The following DST variants were observed in gnomAD, a reference collection of about 807,000 sequenced individuals.
DST encodes dystonin.
Under a neutral mutation model 875.2 loss-of-function variants are expected in DST, and 253 were observed. The observed-to-expected ratio is 0.29, with a 90% CI of 0.26 to 0.32. The LOEUF (loss-of-function observed/expected upper bound fraction) is 0.32, where lower values mean the gene tolerates loss of function less well. Ranked by LOEUF, DST falls within the 10% of genes least tolerant of loss-of-function variation. DST has a pLI of 1.00. For synonymous variants in DST, 3,124 were observed against 3,197.1 expected (o/e 0.98, Z 0.77); for missense variants, 8,287 against 9,111.6 (o/e 0.91, Z 3.68).
chr6:56,789,023 GATTA>G lies in DST; in HGVS notation c.626-53738_626-53735del, dbSNP rs139376862. Among the ~76,000 whole-genome samples the G allele has an allele frequency of 4.7e-3, 719 of 152,254 alleles. 4 individuals carry two copies. Among genetic ancestry groups the G allele is most frequent in the African/African-American group, 0.016 (660 of 41,536 alleles). On this transcript the variant is annotated intron_variant, in intron 4 of 103. Transcript: ENST00000680361. ...AAATGGTACAATATGAAATACATATGATTAATTGTTAAATATTTGTATTTTATAA... is the reference window on the plus strand; with the variant it reads ...AAATGGTACAATATGAAATACATATGATTGTTAAATATTTGTATTTTATAA...
chr6:56,533,373 C>T (rs2096931634), intron 63 of DST, among the ~76,000 whole-genome samples: 1 of 152,178 alleles, frequency 6.6e-6, no homozygotes, highest in African/African-American at 2.4e-5. Context: ...TGCTTCACTG[C>T]TTCCTTAATG....
chr6:56,732,945 C>T lies in DST; in HGVS notation c.687+2283G>A, dbSNP rs569419863. ...GTGGCAAGTTTCCCCTACTTTTAAA[C>T]GAGGGAACAGAACCAGAAGATTTTG... On this transcript the variant is annotated intron_variant, in intron 5 of 103. Transcript: ENST00000680361. Among the ~76,000 whole-genome samples the T allele has an allele frequency of 7.9e-5, 12 of 152,250 alleles. No homozygotes were observed. In the South Asian group the frequency reaches 1.2e-3, roughly 16 times the overall value.
chr6:56,723,939 T>TG (rs1431852377), intron 5 of DST, among the ~76,000 whole-genome samples: 31 of 152,234 alleles, frequency 2.0e-4, no homozygotes, highest in Admixed American at 2.0e-3. Flanking sequence ...ACAACACCGG[T>TG]GTTCCTGGGA....
rs776107444 is a variant in DST, at chr6:56,634,792, T to C, written c.3339+9A>G. ...CAGAAACTGGTCTGTTTCTAGGAGT[T>C]ACAAGTACCTCAATTTGTCTGTAGT... On this transcript the variant is annotated intron_variant, in intron 25 of 103. Transcript: ENST00000680361. The C allele has an allele frequency of 3.7e-6, 6 of 1,613,762 alleles. No homozygotes were observed. In the Admixed American group the frequency reaches 8.3e-5, roughly 22 times the overall value.
At chr6:56,798,722 G>A (rs1366901940) in intron 4 of DST, among the ~76,000 whole-genome samples, 2 of 152,074 alleles carry the variant, frequency 1.3e-5, no homozygotes, top group Non-Finnish European at 2.9e-5. Flanking sequence ...ATGGATATGG[G>A]TAAATTCAAT....
intron 55 of DST, among the ~76,000 whole-genome samples, chr6:56,567,822 A>T (rs1206470385): frequency 6.6e-6 from 1 of 152,214 alleles, no homozygotes; most frequent in Non-Finnish European, 1.5e-5. Context: ...TTTTAAAAAA[A>T]CTTGTTACTG....
chr6:56,816,622 G>C (rs1245627887), intron 4 of DST, among the ~76,000 whole-genome samples: 1 of 152,152 alleles, frequency 6.6e-6, no homozygotes, highest in African/African-American at 2.4e-5. Context: ...TTATTAACAA[G>C]CCTTATCTAT....
Position 56,645,890 on chromosome 6 carries a change from T to TTC in DST, c.1752_1753dup (p.Lys585ArgfsTer8). On this transcript the variant is annotated frameshift_variant, in exon 15 of 104. Transcript: ENST00000680361. LOFTEE classifies it high-confidence loss of function. ...CCTTTCTACTTCTGGACGAAGGGCC[T>TTC]TCTCTCTCTCTAGCATGGCAATAAT... is the stretch of plus-strand genomic sequence containing the variant. 1 of 1,613,694 alleles carries TTC rather than the reference T, an allele frequency of 6.2e-7. No individual in the cohort carries two copies. The highest frequency in any genetic ancestry group is 8.5e-7 in the Non-Finnish European group (1 of 1,179,698).
rs2098509521 is a variant in DST, at chr6:56,607,559, T to C, written c.7069A>G (p.Met2357Val). ...ATGTTTTCAGAGTCACTTCTAAGCATGCTAATGTCTGCAAGTTCAGTCTGT... is the reference window on the plus strand; with the variant it reads ...ATGTTTTCAGAGTCACTTCTAAGCACGCTAATGTCTGCAAGTTCAGTCTGT... ...LTQTELADIS[M>V]LRSDSENILT... Residue 2357 changes from methionine to valine, a missense_variant, in exon 40 of 104, where the codon ATG becomes GTG. This residue lies in a region of DST where 3,138 missense variants were observed against 3,116.6 expected (regional missense o/e 1.01). Transcript: ENST00000680361. The C allele has an allele frequency of 1.2e-6, 2 of 1,611,002 alleles. No individual in the cohort carries two copies. Among genetic ancestry groups the C allele is most frequent in the Admixed American group, 3.4e-5 (2 of 59,594 alleles).
At chr6:56,763,724 C>CACACACACACAT (rs1434952060) in intron 4 of DST, among the ~76,000 whole-genome samples, 2 of 143,570 alleles carry the variant, frequency 1.4e-5, no homozygotes, top group African/African-American at 5.1e-5. Flanking sequence ...CACACACACA[C>CACACACACACAT]ATATAGGGAT....
At chr6:56,506,410 C>G (rs1362845281) in intron 77 of DST, 33 bp downstream of exon 77, 1 of 1,543,918 alleles carries the variant, frequency 6.5e-7, no homozygotes, top group Non-Finnish European at 8.9e-7. Context: ...CTCCTTCCAG[C>G]TAAGACCAGC....
At chr6:56,663,635 C>G (rs1554590883) in intron 10 of DST, among the ~76,000 whole-genome samples, 1 of 152,188 alleles carries the variant, frequency 6.6e-6, no homozygotes, top group Non-Finnish European at 1.5e-5. Context: ...TCACCGGCCT[C>G]CAGGTCATGC....
intron 61 of DST, among the ~76,000 whole-genome samples, chr6:56,544,998 G>T (rs543831103): frequency 6.6e-6 from 1 of 152,150 alleles, no homozygotes; most frequent in Admixed American, 6.5e-5. Context: ...TATTAATCAT[G>T]ATATCTAGAT....
At chr6:56,776,236 T>C (rs181899436) in intron 4 of DST, among the ~76,000 whole-genome samples, 4 of 152,314 alleles carry the variant, frequency 2.6e-5, no homozygotes, top group Non-Finnish European at 5.9e-5. Flanking sequence ...ACCTGACCAC[T>C]ACTCCTCAAA....
At chr6:56,931,260 T>C (rs1454863295) in intron 2 of DST, among the ~76,000 whole-genome samples, 1 of 152,184 alleles carries the variant, frequency 6.6e-6, no homozygotes, top group Admixed American at 6.5e-5. Flanking sequence ...ACTTGGCAGC[T>C]TCCATGTGGT....
chr6:56,941,573 C>G (rs192033530), intron 2 of DST, among the ~76,000 whole-genome samples: 253 of 152,320 alleles, frequency 1.7e-3, no homozygotes, highest in Non-Finnish European at 3.2e-3. Context: ...ACTTCACCCA[C>G]TTAGACTTAA....
rs780262589 is a variant in DST at position 56,492,930 on chromosome 6, A to G, written c.20550+4T>C. 7 of 1,600,992 alleles carry G rather than the reference A, an allele frequency of 4.4e-6. No individual in the cohort carries two copies. The highest frequency in any genetic ancestry group is 2.3e-5 in the South Asian group (2 of 88,392). On this transcript the variant is annotated splice_donor_region_variant and intron_variant, in intron 84 of 103. Coordinates refer to ENST00000680361, the MANE Select transcript of DST (RefSeq NM_001374736.1). Reference sequence around the variant, plus strand: ...GAATCCTATCTATTTGACTCACTACATACCTTGTGTTCGTCAATTTGAAAT... The same window carrying G: ...GAATCCTATCTATTTGACTCACTACGTACCTTGTGTTCGTCAATTTGAAAT...
At chr6:56,695,907 C>A (rs116619847) in intron 9 of DST, among the ~76,000 whole-genome samples, 3,732 of 152,300 alleles carry the variant, frequency 0.025, 68 homozygotes, top group Non-Finnish European at 0.041. Flanking sequence ...AGGATGATTA[C>A]CACTGCTATA....
chr6:56,557,021 C>G (rs2097433143), intron 59 of DST, among the ~76,000 whole-genome samples: 1 of 152,142 alleles, frequency 6.6e-6, no homozygotes, highest in South Asian at 2.1e-4. Flanking sequence ...ATTAATACTT[C>G]AAAGAAGGCC....
Sources: gnomAD v4.1 joint callset for allele counts (sites outside exome capture counted in the v4.1 genomes callset) on GRCh38, gnomAD v4.1.1 for gene constraint, gnomAD v4.1.1 regional missense constraint, MANE v1.5 for transcripts, NCBI Gene and HGNC (gene_info 2026-07-23, HGNC 2026-07-21) for gene names.